The following GABRG3 variants were observed in gnomAD, a reference collection of about 807,000 sequenced individuals.
GABRG3 encodes the protein gamma-aminobutyric acid receptor subunit gamma-3.
GABRG3 carries 25 observed loss-of-function variants against 48.8 expected under a neutral mutation model. That is an observed-to-expected ratio of 0.51 (90% CI 0.37 to 0.72). GABRG3 has a LOEUF of 0.72. GABRG3 is among the 30% of genes least tolerant of loss of function. The pLI, the probability that GABRG3 is intolerant of heterozygous loss-of-function variation, is 0.00. For missense variants in GABRG3, 394 were observed against 577.9 expected (o/e 0.68, Z 3.26); for synonymous variants, 227 against 217.6 (o/e 1.04, Z -0.38).
intron 3 of GABRG3, among the ~76,000 whole-genome samples, chr15:27,210,031 A>C (rs1889020943): frequency 6.6e-6 from 1 of 152,184 alleles, no homozygotes; most frequent in South Asian, 2.1e-4. Context: ...TAAGGGCTTC[A>C]CCTCCAAAAT....
intron 3 of GABRG3, among the ~76,000 whole-genome samples, chr15:27,315,802 A>G (rs1252991352): frequency 6.6e-6 from 1 of 152,234 alleles, no homozygotes; most frequent in African/African-American, 2.4e-5. Context: ...ATGATTTCCT[A>G]TGAAGCCTAT....
At chr15:27,316,627 C>CT (rs1296583521) in intron 3 of GABRG3, among the ~76,000 whole-genome samples, 1 of 152,154 alleles carries the variant, frequency 6.6e-6, no homozygotes, top group East Asian at 1.9e-4. Flanking sequence ...ATACTCTACG[C>CT]TTTTAACTTA....
chr15:27,096,225 A>G (rs112192651), intron 3 of GABRG3, among the ~76,000 whole-genome samples: 3 of 152,348 alleles, frequency 2.0e-5, no homozygotes, highest in African/African-American at 7.2e-5. Context: ...TTTATTGAGC[A>G]CAACTGTGTA....
At chr15:27,097,501 C>A (rs1897284848) in intron 3 of GABRG3, among the ~76,000 whole-genome samples, 3 of 151,990 alleles carry the variant, frequency 2.0e-5, no homozygotes, top group Admixed American at 1.3e-4. Flanking sequence ...CTTTGTTTTT[C>A]TCTTTCTCTT....
At chr15:27,119,895 G>A (rs1318598360) in intron 3 of GABRG3, among the ~76,000 whole-genome samples, 1 of 152,204 alleles carries the variant, frequency 6.6e-6, no homozygotes, top group Non-Finnish European at 1.5e-5. Context: ...GAGCACATCT[G>A]CTAGCAAGGC....
chr15:27,495,681 C>A (rs1040328807), intron 6 of GABRG3, among the ~76,000 whole-genome samples: 6 of 152,060 alleles, frequency 3.9e-5, no homozygotes, highest in South Asian at 4.2e-4. Flanking sequence ...TTTAAAATTT[C>A]CTTTGATTAT....
chr15:27,186,329 AG>A (rs1888097317), intron 3 of GABRG3, among the ~76,000 whole-genome samples: 1 of 152,282 alleles, frequency 6.6e-6, no homozygotes, highest in South Asian at 2.1e-4. Context: ...ATGTTGTTCA[AG>A]GGACATGACT....
At chr15:27,480,194 A>C (rs1365429904) in intron 5 of GABRG3, among the ~76,000 whole-genome samples, 1 of 152,194 alleles carries the variant, frequency 6.6e-6, no homozygotes, top group African/African-American at 2.4e-5. Flanking sequence ...CAAATCCTGG[A>C]GTGATTACCT....
intron 3 of GABRG3, among the ~76,000 whole-genome samples, chr15:27,287,483 G>A (rs1316261660): frequency 6.6e-5 from 10 of 152,238 alleles, no homozygotes; most frequent in Admixed American, 1.3e-4. Flanking sequence ...ATAGGAACTC[G>A]TATATCTTCC....
chr15:27,248,735 C>G (rs1890340815), intron 3 of GABRG3, among the ~76,000 whole-genome samples: 1 of 139,492 alleles, frequency 7.2e-6, no homozygotes, highest in African/African-American at 2.7e-5. Context: ...CAGCAATGAC[C>G]TAAAAATGGA....
At chr15:27,513,221 G>T (rs1004302924) in intron 6 of GABRG3, among the ~76,000 whole-genome samples, 1 of 152,086 alleles carries the variant, frequency 6.6e-6, no homozygotes. Context: ...GCCGAGGCAA[G>T]CAGATCACGA....
At chr15:27,481,000 C>G (rs1296584000) in intron 6 of GABRG3, 1 of 1,375,074 alleles carries the variant, frequency 7.3e-7, no homozygotes, top group African/African-American at 1.4e-5. Flanking sequence ...TGAATCCAGG[C>G]TGTGTTTGCA....
chr15:27,062,119 A>G (rs1896657293), intron 3 of GABRG3, among the ~76,000 whole-genome samples: 1 of 152,198 alleles, frequency 6.6e-6, no homozygotes, highest in South Asian at 2.1e-4. Flanking sequence ...GTCCCATGAG[A>G]GTGCCTGTGA....
At chr15:27,353,330 C>T (rs1595698610) in intron 5 of GABRG3, among the ~76,000 whole-genome samples, 1 of 152,204 alleles carries the variant, frequency 6.6e-6, no homozygotes, top group East Asian at 1.9e-4. Flanking sequence ...GTGTCCTACA[C>T]TTGCTGGGCA....
chr15:27,012,627 A>G (rs983351844), intron 2 of GABRG3, among the ~76,000 whole-genome samples: 3 of 152,146 alleles, frequency 2.0e-5, no homozygotes, highest in East Asian at 3.8e-4. Flanking sequence ...TGGGGAGTGA[A>G]TCACCATATC....
chr15:27,026,907 T>C, intron 3 of GABRG3, 86 bp downstream of exon 3: 1 of 901,410 alleles, frequency 1.1e-6, no homozygotes, highest in East Asian at 2.7e-5. Context: ...TTGAGATTTA[T>C]CATGCCGGTT....
At chr15:27,057,987 C>T (rs756732714) in intron 3 of GABRG3, among the ~76,000 whole-genome samples, 16 of 152,156 alleles carry the variant, frequency 1.1e-4, no homozygotes, top group Non-Finnish European at 2.1e-4. Context: ...CACTGGGAGG[C>T]GGCTTGTATA....
chr15:27,326,551 C>G (rs1240318201), intron 3 of GABRG3, among the ~76,000 whole-genome samples: 2 of 152,180 alleles, frequency 1.3e-5, no homozygotes, highest in Non-Finnish European at 2.9e-5. Flanking sequence ...TACTGTCTCT[C>G]TTAGCCCCTC....
Position 27,480,652 on chromosome 15 carries a change from G to A in GABRG3, c.577G>A (p.Gly193Ser), listed in dbSNP as rs1308838685. Residue 193 changes from glycine to serine, a missense_variant and splice_region_variant, in exon 6 of 10, where the codon GGC (glycine) becomes AGC (serine). This residue lies in a region of GABRG3 where 218 missense variants were observed against 309.9 expected (regional missense o/e 0.70). Coordinates refer to ENST00000615808, the MANE Select transcript of GABRG3 (RefSeq NM_033223.5). ...HSCPLIFSSYGYPKEEMIYRW... is the reference protein window; with the variant it reads ...HSCPLIFSSYSYPKEEMIYRW... ...TAATGTTTGCTCTGTGTTTTTAGAT[G>A]GCTATCCCAAAGAAGAAATGATTTA... The A allele has an allele frequency of 1.9e-6, 3 of 1,608,618 alleles. No homozygotes were observed. The highest frequency in any genetic ancestry group is 2.5e-6 in the Non-Finnish European group (3 of 1,177,072).
Sources: gnomAD v4.1 joint callset for allele counts (sites outside exome capture counted in the v4.1 genomes callset) on GRCh38, gnomAD v4.1.1 for gene constraint, gnomAD v4.1.1 regional missense constraint, MANE v1.5 for transcripts, NCBI Gene and HGNC (gene_info 2026-07-23, HGNC 2026-07-21) for gene names.